The following PIK3C2G variants were observed in gnomAD, a reference collection of about 807,000 sequenced individuals.
PIK3C2G encodes the protein phosphatidylinositol 3-kinase C2 domain-containing subunit gamma.
A neutral mutation model predicts 181.1 loss-of-function variants in PIK3C2G; 168 were observed. That is an observed-to-expected ratio of 0.93 (90% CI 0.82 to 1.05). The LOEUF is 1.05. Ranked by LOEUF, PIK3C2G falls within the 50% of genes least tolerant of loss-of-function variation. PIK3C2G has a pLI of 0.00. For synonymous variants in PIK3C2G, 573 were observed against 592.2 expected (o/e 0.97, Z 0.47); for missense variants, 1,869 against 1,732.8 (o/e 1.08, Z -1.40).
At chr12:18,495,892 A>G (rs934149127) in intron 20 of PIK3C2G, among the ~76,000 whole-genome samples, 170 bp from the exon 21 acceptor site, 1 of 152,124 alleles carries the variant, frequency 6.6e-6, no homozygotes, top group East Asian at 1.9e-4. Context: ...TAAATTTTTT[A>G]AAATTTGTAT....
At chr12:18,655,130 G>C in the PIK3C2G span, among the ~76,000 whole-genome samples, 1 of 152,100 alleles carries the variant, frequency 6.6e-6, no homozygotes, top group Admixed American at 6.6e-5. Flanking sequence ...TTAAAGACTT[G>C]TGAAATTTAA....
chr12:18,453,989 C>T (rs886803070), intron 18 of PIK3C2G, among the ~76,000 whole-genome samples: 2 of 152,148 alleles, frequency 1.3e-5, no homozygotes, highest in Non-Finnish European at 2.9e-5. Flanking sequence ...TTAAGTGCCA[C>T]ATAAATGCCT....
intron 29 of PIK3C2G, among the ~76,000 whole-genome samples, chr12:18,592,530 T>G (rs1344438843): frequency 6.6e-6 from 1 of 151,912 alleles, no homozygotes; most frequent in African/African-American, 2.4e-5. Flanking sequence ...GGACATTTAG[T>G]GGCAGAAACC....
chr12:18,511,224 T>A (rs1942186670), intron 24 of PIK3C2G, among the ~76,000 whole-genome samples: 1 of 152,154 alleles, frequency 6.6e-6, no homozygotes, highest in South Asian at 2.1e-4. Flanking sequence ...AATCTCTTCA[T>A]CCATTGATGG....
In PIK3C2G at chr12:18,570,140, C is replaced by T. The variant is rs180986458; in HGVS notation, c.4011+3083C>T. Among the ~76,000 whole-genome samples the T allele has an allele frequency of 6.5e-3, 983 of 152,092 alleles. 8 individuals carry two copies. Among genetic ancestry groups the T allele is most frequent in the Non-Finnish European group, 0.011 (738 of 68,016 alleles). On this transcript the variant is annotated intron_variant, in intron 29 of 32. Coordinates refer to ENST00000538779, the MANE Select transcript of PIK3C2G (RefSeq NM_001288772.2). ...ATCTTTTGTGGTGATCCATGATCAA[C>T]GGCTCTTCTCCTTTATTCAGGTTTA...
chr12:18,305,827 T>A (rs1214154151), intron 5 of PIK3C2G, among the ~76,000 whole-genome samples: 1 of 152,046 alleles, frequency 6.6e-6, no homozygotes, highest in African/African-American at 2.4e-5. Context: ...GTATAATTAC[T>A]AAATTTTATA....
chr12:18,342,331 T>A (rs1939218467), intron 9 of PIK3C2G, among the ~76,000 whole-genome samples: 1 of 152,066 alleles, frequency 6.6e-6, no homozygotes, highest in Admixed American at 6.6e-5. Context: ...AAGTTGCATA[T>A]AAATGTAATG....
At chr12:18,622,751 G>C (rs549228273) in intron 31 of PIK3C2G, among the ~76,000 whole-genome samples, 2 of 151,868 alleles carry the variant, frequency 1.3e-5, no homozygotes, top group Non-Finnish European at 3.0e-5. Context: ...TATTCTAACA[G>C]GTGTAAGGTG....
the PIK3C2G span, among the ~76,000 whole-genome samples, chr12:18,724,189 G>T: frequency 6.6e-6 from 1 of 152,236 alleles, no homozygotes; most frequent in South Asian, 2.1e-4. Context: ...TTTCCAATTG[G>T]AAGAGTTAGA....
chr12:18,375,408 T>A (rs1942366290), intron 13 of PIK3C2G, among the ~76,000 whole-genome samples: 1 of 152,174 alleles, frequency 6.6e-6, no homozygotes. Context: ...CAAGAGAAAT[T>A]TCTAAGCAGC....
At chr12:18,361,180 T>C (rs1424884858) in intron 11 of PIK3C2G, among the ~76,000 whole-genome samples, 1 of 152,186 alleles carries the variant, frequency 6.6e-6, no homozygotes, top group African/African-American at 2.4e-5. Flanking sequence ...CTCTGCTTTA[T>C]CAATTCTGCT....
intron 5 of PIK3C2G, among the ~76,000 whole-genome samples, chr12:18,305,442 T>C (rs1279015152): frequency 2.0e-5 from 3 of 152,156 alleles, no homozygotes; most frequent in Non-Finnish European, 2.9e-5. Context: ...GCAAATTACA[T>C]GTGAAAGTAG....
In PIK3C2G at chr12:18,491,558, T is replaced by G. The variant is rs112855392; in HGVS notation, c.2793T>G (p.Asp931Glu). Residue 931 changes from aspartate to glutamate, a missense_variant and splice_region_variant, in exon 20 of 33, where the codon GAT becomes GAG. By Grantham distance (45) the Asp-to-Glu change is conservative (BLOSUM62 2). Transcript: ENST00000538779. ...PALCIKGIDH[D>E]ACSYFTSNAL... ...TATGTATAAAAGGGATTGATCACGA[T>G]GTAAGTCAACTTATTCCTCAGATTA... 8.8e-6 allele frequency: 13 copies of G among 1,485,460 alleles called. No individual in the cohort carries two copies. The highest frequency in any genetic ancestry group is 1.7e-4 in the Middle Eastern group (1 of 5,816). The allele number at this position is 1,485,460 out of a possible 1,614,324, so 92.0% of individuals were successfully genotyped here.
chr12:18,351,994 C>T (rs1192063522), intron 11 of PIK3C2G, among the ~76,000 whole-genome samples: 1 of 152,136 alleles, frequency 6.6e-6, no homozygotes, highest in Non-Finnish European at 1.5e-5. Context: ...GTTCGCATAA[C>T]AATAAAATCA....
chr12:18,406,421 T>C (rs1391697619), intron 16 of PIK3C2G, among the ~76,000 whole-genome samples: 1 of 152,120 alleles, frequency 6.6e-6, no homozygotes, highest in Non-Finnish European at 1.5e-5. Context: ...GGGTCGTATT[T>C]TAATAGTGAA....
intron 4 of PIK3C2G, among the ~76,000 whole-genome samples, chr12:18,292,980 C>A (rs1347713915): frequency 6.6e-6 from 1 of 152,080 alleles, no homozygotes; most frequent in African/African-American, 2.4e-5. Context: ...CATAGCTTCC[C>A]TGAAAATGAG....
At chr12:18,588,050 C>T (rs572607380) in intron 29 of PIK3C2G, among the ~76,000 whole-genome samples, 26 of 152,028 alleles carry the variant, frequency 1.7e-4, no homozygotes, top group African/African-American at 4.3e-4. Flanking sequence ...GCTCACCATA[C>T]GCAGAAGACT....
At chr12:18,368,348 C>A (rs12426122) in intron 12 of PIK3C2G, among the ~76,000 whole-genome samples, 23,588 of 152,040 alleles carry the variant, frequency 0.16, 2,391 homozygotes, top group Admixed American at 0.28. Flanking sequence ...CCATTTTGTG[C>A]AAAAGGAAAA....
chr12:18,406,846 G>A (rs56205551), intron 16 of PIK3C2G, among the ~76,000 whole-genome samples: 16,433 of 152,096 alleles, frequency 0.11, 1,211 homozygotes, highest in Admixed American at 0.26. Flanking sequence ...ATTCCCTATC[G>A]AGGAAGAGTG....
Sources: allele counts gnomAD v4.1 joint callset (sites outside exome capture counted in the v4.1 genomes callset), GRCh38; gene constraint gnomAD v4.1.1; transcripts MANE v1.5; gene names NCBI Gene and HGNC (gene_info 2026-07-23, HGNC 2026-07-21).